Variants in APBA1 observed in about 807,000 individuals in gnomAD.
APBA1 encodes amyloid-beta A4 precursor protein-binding family A member 1.
APBA1 carries 55 observed loss-of-function variants against 86.6 expected under a neutral mutation model. That is an observed-to-expected ratio of 0.64 (90% CI 0.51 to 0.80). APBA1 has a LOEUF of 0.80. Ranked by LOEUF, APBA1 falls within the 30% of genes least tolerant of loss-of-function variation. The pLI, the probability that APBA1 is intolerant of heterozygous loss-of-function variation, is 0.00. For synonymous variants in APBA1, 511 were observed against 493.9 expected, an observed-to-expected ratio of 1.03 and a Z score of -0.46; for missense variants, 1,090 against 1,183.0, an observed-to-expected ratio of 0.92 and a Z score of 1.15.
intron 1 of APBA1, among the ~76,000 whole-genome samples, chr9:69,583,063 T>C (rs1326842165): frequency 1.3e-5 from 2 of 152,198 alleles, no homozygotes; most frequent in Admixed American, 6.5e-5. Context: ...ATCTGTTCTT[T>C]GTCTATGAGG....
At chr9:69,436,928 T>C in intron 11 of APBA1, among the ~76,000 whole-genome samples, 1 of 152,104 alleles carries the variant, frequency 6.6e-6, no homozygotes. Context: ...TAGATAGCTC[T>C]TATTATTTTG....
chr9:69,541,142 C>A (rs374719006), intron 1 of APBA1, among the ~76,000 whole-genome samples: 4 of 151,952 alleles, frequency 2.6e-5, no homozygotes, highest in Admixed American at 2.0e-4. Flanking sequence ...AATAATGCTA[C>A]GATAAATGTT....
intron 6 of APBA1, 125 bp downstream of exon 6, chr9:69,458,031 A>C: frequency 9.3e-7 from 1 of 1,074,968 alleles, no homozygotes. Flanking sequence ...GGCGGTTCAA[A>C]AAGAAATCTG....
intron 10 of APBA1, among the ~76,000 whole-genome samples, chr9:69,441,916 TCTGAG>T (rs1834830714): frequency 6.6e-6 from 1 of 152,238 alleles, no homozygotes; most frequent in South Asian, 2.1e-4. Flanking sequence ...CTCTGTGTGG[TCTGAG>T]CTGAGCTCAG....
At chr9:69,574,920 AATT>A (rs1250904768) in intron 1 of APBA1, among the ~76,000 whole-genome samples, 1 of 152,040 alleles carries the variant, frequency 6.6e-6, no homozygotes, top group South Asian at 2.1e-4. Flanking sequence ...AACTTTACAC[AATT>A]ATTATTATTG....
intron 11 of APBA1, among the ~76,000 whole-genome samples, chr9:69,434,644 T>C (rs1160290475): frequency 1.3e-5 from 2 of 150,464 alleles, no homozygotes; most frequent in Non-Finnish European, 3.0e-5. Context: ...GAGGTGGAGG[T>C]TGCAGTGAGC....
At chr9:69,593,459 C>T (rs532803126) in intron 1 of APBA1, among the ~76,000 whole-genome samples, 4 of 147,484 alleles carry the variant, frequency 2.7e-5, no homozygotes, top group South Asian at 2.3e-4. Flanking sequence ...GAATTATAAC[C>T]GTAAGAATTA....
At chr9:69,644,549 C>T (rs550803133) in intron 1 of APBA1, among the ~76,000 whole-genome samples, 2 of 152,364 alleles carry the variant, frequency 1.3e-5, no homozygotes, top group African/African-American at 4.8e-5. Flanking sequence ...AACCTAAATG[C>T]TCTCATTACA....
At chr9:69,564,202 G>A (rs551197831) in intron 1 of APBA1, among the ~76,000 whole-genome samples, 30 of 152,272 alleles carry the variant, frequency 2.0e-4, no homozygotes, top group African/African-American at 7.0e-4. Context: ...GAAGAGCCCT[G>A]GAAGAGCAGG....
chr9:69,451,546 G>C (rs1013025042), intron 9 of APBA1, among the ~76,000 whole-genome samples: 1 of 152,060 alleles, frequency 6.6e-6, no homozygotes, highest in Non-Finnish European at 1.5e-5. Context: ...CTAGACAAAT[G>C]TGGAGCTTTC....
intron 1 of APBA1, among the ~76,000 whole-genome samples, chr9:69,546,341 T>C (rs886203961): frequency 1.4e-4 from 21 of 152,160 alleles, no homozygotes; most frequent in Non-Finnish European, 2.5e-4. Flanking sequence ...GCCAGAGATA[T>C]GTTGTGGGTT....
In APBA1 at chr9:69,503,425, A is replaced by G. The variant is rs572170935; in HGVS notation, c.1200+12586T>C. ...TTATACTGCCTCACCTTGGTTTTTC[A>G]ATTTTAGATATTATTTCCTGGCTCT... is the stretch of plus-strand genomic sequence containing the variant. On this transcript the variant is annotated intron_variant, in intron 2 of 12. Transcript: ENST00000265381. Among the ~76,000 whole-genome samples, 25 of 152,036 alleles carry G rather than the reference A, an allele frequency of 1.6e-4. No individual in the cohort carries two copies. In the East Asian group the frequency reaches 4.4e-3, roughly 27 times the overall value.
chr9:69,522,256 G>A (rs1458364931), intron 1 of APBA1, among the ~76,000 whole-genome samples: 3 of 151,944 alleles, frequency 2.0e-5, no homozygotes, highest in Non-Finnish European at 4.4e-5. Context: ...TACAGAAGGT[G>A]GTAAAGGAAT....
At position 69,648,300 on chromosome 9, in the gene APBA1, G is replaced by A. The variant is rs993654906; in HGVS notation, c.-70+23853C>T. 4.6e-5 allele frequency among the ~76,000 whole-genome samples: 7 copies of A among 152,150 alleles called. No individual in the cohort carries two copies. In the South Asian group the frequency reaches 6.2e-4, roughly 14 times the overall value. ...CAGAATACATAATGGGTTTAACTTC[G>A]CAATAAAGTGACAAGGTGCACTTGA... On this transcript the variant is annotated intron_variant, in intron 1 of 12. Coordinates refer to ENST00000265381, the MANE Select transcript of APBA1 (RefSeq NM_001163.4).
intron 1 of APBA1, among the ~76,000 whole-genome samples, chr9:69,670,724 T>C (rs1039282246): frequency 2.6e-5 from 4 of 152,158 alleles, no homozygotes; most frequent in Non-Finnish European, 4.4e-5. Context: ...GTGTCCTTGT[T>C]CCCACTGGGT....
intron 1 of APBA1, among the ~76,000 whole-genome samples, chr9:69,528,436 A>C (rs940434455): frequency 6.6e-6 from 1 of 152,130 alleles, no homozygotes; most frequent in African/African-American, 2.4e-5. Context: ...AATAAGCTTA[A>C]GGCAATCACT....
chr9:69,642,480 T>A (rs1465780554), intron 1 of APBA1, among the ~76,000 whole-genome samples: 1 of 152,098 alleles, frequency 6.6e-6, no homozygotes, highest in African/African-American at 2.4e-5. Flanking sequence ...GCAGAACAAC[T>A]GGAAATCTCA....
chr9:69,452,365 G>C, intron 8 of APBA1, 64 bp from the exon 9 acceptor site: 5 of 1,515,562 alleles, frequency 3.3e-6, no homozygotes, highest in Non-Finnish European at 4.5e-6. Flanking sequence ...GCGGCCTGGC[G>C]CACTTCCCAC....
At chr9:69,550,607 C>T (rs917308534) in intron 1 of APBA1, among the ~76,000 whole-genome samples, 5 of 152,066 alleles carry the variant, frequency 3.3e-5, no homozygotes, top group African/African-American at 1.2e-4. Flanking sequence ...GTGATAAGCA[C>T]GAGGGATATA....
Sources: gnomAD v4.1 joint callset for allele counts (sites outside exome capture counted in the v4.1 genomes callset) on GRCh38, gnomAD v4.1.1 for gene constraint, MANE v1.5 for transcripts, NCBI Gene and HGNC (gene_info 2026-07-23, HGNC 2026-07-21) for gene names.